POGLUT1: variants seen among roughly 807,000 people sequenced by gnomAD.
The protein encoded by POGLUT1 is 9630046K23Rik.
In POGLUT1, 32 loss-of-function variants were observed where a neutral mutation model predicts 61.3. That is an observed-to-expected ratio of 0.52 (90% confidence interval 0.39 to 0.70). POGLUT1 has a LOEUF of 0.70. POGLUT1 is among the 30% of genes least tolerant of loss of function. The pLI is 0.00. For missense variants in POGLUT1, 411 were observed against 469.8 expected (o/e 0.87, Z 1.16); for synonymous variants, 158 against 158.2 (o/e 1.00, Z 0.01).
chr3:119,471,629 T>C, intron 3 of POGLUT1, 177 bp downstream of exon 3: 1 of 598,246 alleles, frequency 1.7e-6, no homozygotes. Flanking sequence ...CGAGCTCCTC[T>C]CAAAGCCTGT....
Position 119,468,970 on chromosome 3 carries a change from G to A in POGLUT1, c.-52G>A, listed in dbSNP as rs1469624202. On this transcript the variant is annotated 5_prime_UTR_variant, in exon 1 of 11. Transcript: ENST00000295588. ...GGCTCCCGGGCCATCTTTGTGCGGG[G>A]CCGCGCTTCCGCCAGCGCCGCAGCG... 6.6e-7 allele frequency: 1 copy of A among 1,505,558 alleles called. No individual in the cohort carries two copies. Among genetic ancestry groups the A allele is most frequent in the Non-Finnish European group, 9.0e-7 (1 of 1,105,590 alleles). The allele number at this position is 1,505,558 out of a possible 1,614,324, so 93.3% of individuals were successfully genotyped here. A position where few individuals can be genotyped will look rare whatever the true frequency, so the allele number is the denominator to read the frequency against.
chr3:119,488,052 G>T (rs1367420794), intron 7 of POGLUT1: 1 of 152,160 alleles, frequency 6.6e-6, no homozygotes, highest in African/African-American at 2.4e-5. Context: ...TATACCATAT[G>T]AGGATGCTAT....
At chr3:119,491,413 C>A (rs2081743734) in intron 9 of POGLUT1, 105 bp from the exon 10 acceptor site, 2 of 508,498 alleles carry the variant, frequency 3.9e-6, no homozygotes, top group Non-Finnish European at 7.1e-6. Context: ...AATCCACCAT[C>A]CACATACCTA....
chr3:119,469,107 G>T lies in POGLUT1; in HGVS notation c.85+1G>T. 6.2e-7 allele frequency: 1 copy of T among 1,601,832 alleles called. No individual in the cohort carries two copies. Among genetic ancestry groups the T allele is most frequent in the South Asian group, 1.1e-5 (1 of 89,910 alleles). Reference sequence around the variant, plus strand: ...GCGCAGGGCCGCCAGAAGGAGTCAGGTGGGCTCCGGGCAGTGCCGAGCCTG... The same window carrying T: ...GCGCAGGGCCGCCAGAAGGAGTCAGTTGGGCTCCGGGCAGTGCCGAGCCTG... On this transcript the variant is annotated splice_donor_variant, in intron 1 of 10. Transcript: ENST00000295588. LOFTEE classifies it high-confidence loss of function.
intron 8 of POGLUT1, chr3:119,489,360 G>A (rs992007906): frequency 6.4e-6 from 1 of 156,644 alleles, no homozygotes; most frequent in Non-Finnish European, 1.4e-5. Context: ...TCGGGAGGCT[G>A]AGGTAGGAGG....
Position 119,486,904 on chromosome 3 carries a change from C to G in POGLUT1, c.710C>G (p.Thr237Ser). ...CCAAAACTTGTTGATGCAGAATACA[C>G]CAAAAACCAGGCCTGGAAATCTATG... is the stretch of plus-strand genomic sequence containing the variant. ...KNPKLVDAEY[T>S]KNQAWKSMKD... Residue 237 changes from threonine to serine, a missense_variant, in exon 7 of 11, where the codon ACC becomes AGC. By Grantham distance (58) the Thr-to-Ser change is moderately conservative. Transcript: ENST00000295588. 1 of 1,612,486 alleles carries G rather than the reference C, an allele frequency of 6.2e-7. No homozygotes were observed. Among genetic ancestry groups the G allele is most frequent in the Non-Finnish European group, 8.5e-7 (1 of 1,178,524 alleles).
chr3:119,482,445 A>G (rs1170823006), intron 5 of POGLUT1, among the ~76,000 whole-genome samples: 1 of 151,422 alleles, frequency 6.6e-6, no homozygotes, highest in Non-Finnish European at 1.5e-5. Context: ...CCCAGGCTGG[A>G]CTCAAACTCC....
At chr3:119,475,997 C>CACAG (rs2081533449) in intron 3 of POGLUT1, among the ~76,000 whole-genome samples, 1 of 95,982 alleles carries the variant, frequency 1.0e-5, no homozygotes, top group Non-Finnish European at 1.9e-5. Flanking sequence ...CACACACAAA[C>CACAG]ACATACAGAG....
intron 5 of POGLUT1, among the ~76,000 whole-genome samples, chr3:119,485,000 A>AGATAG (rs2081648144): frequency 1.3e-5 from 2 of 152,136 alleles, no homozygotes; most frequent in Non-Finnish European, 2.9e-5. Flanking sequence ...GCGGATCACG[A>AGATAG]AGTCAGGAGA....
At chr3:119,491,722 G>A (rs773229296) in intron 10 of POGLUT1, 148 bp downstream of exon 10, 14 of 503,714 alleles carry the variant, frequency 2.8e-5, no homozygotes, top group Non-Finnish European at 3.6e-5. Context: ...CCTGTCCTGG[G>A]GGAAAACATA....
rs115913727 is a variant in POGLUT1 at position 119,471,145 on chromosome 3, G to A, written c.177-164G>A. Among the ~76,000 whole-genome samples, 308 of 152,338 alleles carry A rather than the reference G, an allele frequency of 2.0e-3. 2 individuals carry two copies. The highest frequency in any genetic ancestry group is 7.2e-3 in the African/African-American group (300 of 41,578). On this transcript the variant is annotated intron_variant, in intron 2 of 10. Coordinates refer to ENST00000295588, the MANE Select transcript of POGLUT1 (RefSeq NM_152305.3). The stretch of plus-strand genomic sequence containing the variant: ...TTGCTTTATTGCATTTGATGTTTCA[G>A]ATTACCTACAGGGCTTCTAGGGAAG...
intron 2 of POGLUT1, among the ~76,000 whole-genome samples, chr3:119,471,096 C>G (rs2081465243): frequency 6.6e-6 from 1 of 152,240 alleles, no homozygotes; most frequent in African/African-American, 2.4e-5. Flanking sequence ...GAAGAAGAGA[C>G]ATTGACCCGC....
At chr3:119,478,559 G>A (rs1029954894) in intron 4 of POGLUT1, 7 of 360,502 alleles carry the variant, frequency 1.9e-5, no homozygotes, top group East Asian at 7.7e-5. Flanking sequence ...CTAACTTTCC[G>A]TTCATCTTTA....
intron 3 of POGLUT1, among the ~76,000 whole-genome samples, chr3:119,476,455 T>G (rs1049028440): frequency 2.0e-5 from 3 of 150,106 alleles, no homozygotes; most frequent in African/African-American, 7.3e-5. Context: ...TTTTTTTTTT[T>G]GGCTAGAGGA....
At chr3:119,472,837 C>T (rs2081491740) in intron 3 of POGLUT1, among the ~76,000 whole-genome samples, 1 of 152,216 alleles carries the variant, frequency 6.6e-6, no homozygotes, top group Non-Finnish European at 1.5e-5. Flanking sequence ...TCAAGACGAG[C>T]CTAGGCCACA....
intron 6 of POGLUT1, among the ~76,000 whole-genome samples, chr3:119,486,479 C>T (rs914761727): frequency 5.3e-5 from 8 of 152,134 alleles, no homozygotes; most frequent in African/African-American, 1.9e-4. Flanking sequence ...GTCGTGACTA[C>T]CTAGCCTCAC....
chr3:119,477,881 C>T lies in POGLUT1; in HGVS notation c.456+433C>T, dbSNP rs1010055527. ...AGCTGTCCCATCTGTCACCATATTC[C>T]GGGGGCCCAGGGTGGCTAAAAGTGA... On this transcript the variant is annotated intron_variant, in intron 4 of 10. Transcript: ENST00000295588. 3.3e-5 allele frequency among the ~76,000 whole-genome samples: 5 copies of T among 152,158 alleles called. 1 individual carries two copies. The South Asian group carries it at 6.2e-4, about 19-fold the overall frequency.
intron 5 of POGLUT1, among the ~76,000 whole-genome samples, chr3:119,482,040 A>G (rs770682854): frequency 3.3e-5 from 5 of 152,106 alleles, no homozygotes; most frequent in Non-Finnish European, 7.4e-5. Flanking sequence ...TGCTGGGATT[A>G]CAGGCATGAG....
At chr3:119,470,997 C>G (rs959425192) in intron 2 of POGLUT1, among the ~76,000 whole-genome samples, 1 of 152,068 alleles carries the variant, frequency 6.6e-6, no homozygotes, top group East Asian at 1.9e-4. Flanking sequence ...GCCAGGAGGA[C>G]TGAAGTGACT....
Sources: gnomAD v4.1 joint callset for allele counts (sites outside exome capture counted in the v4.1 genomes callset) on GRCh38, gnomAD v4.1.1 for gene constraint, MANE v1.5 for transcripts, NCBI Gene and HGNC (gene_info 2026-07-23, HGNC 2026-07-21) for gene names.